CDC73: variants seen among roughly 807,000 people sequenced by gnomAD.
CDC73 encodes the protein parafibromin.
Under a neutral mutation model 83.7 loss-of-function variants are expected in CDC73, and 21 were observed. The ratio of observed to expected loss-of-function variants is 0.25; its 90% confidence interval spans 0.18 to 0.36. The LOEUF (loss-of-function observed/expected upper bound fraction) is 0.36. Ranked by LOEUF, CDC73 falls within the 10% of genes least tolerant of loss-of-function variation. The pLI, the probability that CDC73 is intolerant of heterozygous loss-of-function variation, is 1.00. For missense variants in CDC73, 342 were observed against 653.3 expected (o/e 0.52, Z 5.19); for synonymous variants, 224 against 212.9 (o/e 1.05, Z -0.45).
chr1:193,184,657 G>C (rs1296196033), intron 10 of CDC73, among the ~76,000 whole-genome samples: 2 of 151,884 alleles, frequency 1.3e-5, no homozygotes, highest in Non-Finnish European at 2.9e-5. Flanking sequence ...GTTTTGAGAT[G>C]TATAGCTTAT....
intron 15 of CDC73, among the ~76,000 whole-genome samples, chr1:193,247,695 T>C (rs1677977712): frequency 6.6e-6 from 1 of 152,116 alleles, no homozygotes; most frequent in Non-Finnish European, 1.5e-5. Context: ...AACAACCTTA[T>C]TGCTGATATG....
chr1:193,231,823 TCTC>T (rs1677667646), intron 13 of CDC73, among the ~76,000 whole-genome samples: 1 of 152,116 alleles, frequency 6.6e-6, no homozygotes, highest in African/African-American at 2.4e-5. Flanking sequence ...TAGTGCAAGT[TCTC>T]CTGTGCTTTT....
intron 10 of CDC73, among the ~76,000 whole-genome samples, chr1:193,159,107 C>T (rs1217863551): frequency 1.3e-5 from 2 of 152,062 alleles, no homozygotes; most frequent in Non-Finnish European, 2.9e-5. Flanking sequence ...TAATTTTCCC[C>T]CTTGTGATTT....
At chr1:193,241,452 A>G (rs987544918) in intron 15 of CDC73, among the ~76,000 whole-genome samples, 1 of 152,210 alleles carries the variant, frequency 6.6e-6, no homozygotes. Context: ...CACCTGTGCT[A>G]GTAAGTCCAG....
intron 15 of CDC73, among the ~76,000 whole-genome samples, chr1:193,248,903 G>A (rs748314260): frequency 7.2e-5 from 11 of 151,988 alleles, no homozygotes; most frequent in Non-Finnish European, 1.5e-4. Context: ...GAGCACTTTC[G>A]TGAAGATGCC....
chr1:193,218,992 T>A (rs1677416914), intron 13 of CDC73, among the ~76,000 whole-genome samples: 1 of 152,168 alleles, frequency 6.6e-6, no homozygotes, highest in South Asian at 2.1e-4. Flanking sequence ...GGAGAGAATA[T>A]TTGCAAGGTA....
chr1:193,175,382 C>T (rs1424293029), intron 10 of CDC73, among the ~76,000 whole-genome samples: 1 of 151,970 alleles, frequency 6.6e-6, no homozygotes, highest in African/African-American at 2.4e-5. Flanking sequence ...TGGATATGGG[C>T]AATAGCAAGA....
chr1:193,180,982 C>T (rs565990439), intron 10 of CDC73: 1 of 1,613,464 alleles, frequency 6.2e-7, no homozygotes, highest in South Asian at 1.1e-5. Flanking sequence ...TAGCTTAATA[C>T]TTAAGCCCAA....
intron 15 of CDC73, among the ~76,000 whole-genome samples, chr1:193,240,029 A>G (rs1283518983): frequency 2.6e-5 from 4 of 151,810 alleles, no homozygotes; most frequent in African/African-American, 4.8e-5. Flanking sequence ...CACCCTTCCA[A>G]CCCTCTAGTA....
chr1:193,232,202 A>G (rs922319228), intron 13 of CDC73, among the ~76,000 whole-genome samples: 1 of 152,056 alleles, frequency 6.6e-6, no homozygotes, highest in Non-Finnish European at 1.5e-5. Context: ...CTGAAGTTTG[A>G]TGGTATTTTT....
intron 10 of CDC73, among the ~76,000 whole-genome samples, chr1:193,192,865 A>G (rs554941868): frequency 1.1e-4 from 16 of 152,348 alleles, no homozygotes; most frequent in Admixed American, 5.2e-4. Flanking sequence ...TGAATGATCA[A>G]AAGCCAGTCT....
chr1:193,236,397 G>T (rs375598050), intron 15 of CDC73, 41 bp downstream of exon 15: 5 of 1,234,126 alleles, frequency 4.1e-6, no homozygotes, highest in Non-Finnish European at 6.0e-6. Context: ...GTATAGAAAT[G>T]TTCTCACTTT....
chr1:193,152,814 C>G (rs1299056466), intron 10 of CDC73, among the ~76,000 whole-genome samples: 1 of 152,082 alleles, frequency 6.6e-6, no homozygotes, highest in Non-Finnish European at 1.5e-5. Flanking sequence ...GAGTCTCGCT[C>G]TGTCGCCCAG....
chr1:193,148,335 G>A (rs975304333), intron 8 of CDC73, among the ~76,000 whole-genome samples: 1 of 152,150 alleles, frequency 6.6e-6, no homozygotes, highest in Non-Finnish European at 1.5e-5. Context: ...TTTTGGCATT[G>A]TATCTATTAC....
intron 10 of CDC73, among the ~76,000 whole-genome samples, chr1:193,174,347 C>T (rs1011930641): frequency 4.6e-5 from 7 of 151,862 alleles, no homozygotes; most frequent in Middle Eastern, 3.4e-3. Context: ...TCATTTGTTT[C>T]CTTTGATAAT....
intron 15 of CDC73, among the ~76,000 whole-genome samples, chr1:193,249,241 A>T (rs1484510154): frequency 6.6e-6 from 1 of 152,036 alleles, no homozygotes; most frequent in Non-Finnish European, 1.5e-5. Context: ...GGCTCAGATG[A>T]TTGTTAGCAT....
intron 13 of CDC73, among the ~76,000 whole-genome samples, chr1:193,217,296 T>C (rs201381429): frequency 2.0e-3 from 302 of 152,260 alleles, no homozygotes; most frequent in African/African-American, 6.8e-3. Context: ...AGGCGGCTTG[T>C]GTTAACCAGC....
chr1:193,242,213 C>T (rs1008755322), intron 15 of CDC73, among the ~76,000 whole-genome samples: 5 of 151,674 alleles, frequency 3.3e-5, no homozygotes, highest in South Asian at 2.1e-4. Context: ...CTCAAAATGG[C>T]GCTGTGCTGC....
intron 11 of CDC73, among the ~76,000 whole-genome samples, chr1:193,205,203 C>CT (rs1183996671): frequency 8.3e-6 from 1 of 120,432 alleles, no homozygotes; most frequent in Non-Finnish European, 1.7e-5. Flanking sequence ...TGTCCCCCCC[C>CT]CCCCCTTTTT....
Sources: allele counts gnomAD v4.1 joint callset (sites outside exome capture counted in the v4.1 genomes callset), GRCh38; gene constraint gnomAD v4.1.1; transcripts MANE v1.5; gene names NCBI Gene and HGNC (gene_info 2026-07-23, HGNC 2026-07-21).